The following CHN1 variants were observed in gnomAD, a reference collection of about 807,000 sequenced individuals.
CHN1 encodes the protein chimerin 1.
In CHN1, 37 loss-of-function variants were observed where a neutral mutation model predicts 59.5. That is an observed-to-expected ratio of 0.62 (90% CI 0.48 to 0.82). The LOEUF is 0.82. Among genes scored for constraint, CHN1 ranks in the 40% least tolerant of loss-of-function variants. CHN1 has a pLI of 0.00. For missense variants in CHN1, 469 were observed against 571.0 expected (o/e 0.82, Z 1.82); for synonymous variants, 206 against 200.4 (o/e 1.03, Z -0.24).
At chr2:174,875,694 G>T in intron 6 of CHN1, 1 of 431,598 alleles carries the variant, frequency 2.3e-6, no homozygotes, top group Non-Finnish European at 3.1e-6. Flanking sequence ...AGACAAGAGG[G>T]GTTTTAGCTA....
chr2:174,896,486 G>A (rs1688220773), intron 5 of CHN1, among the ~76,000 whole-genome samples: 3 of 152,142 alleles, frequency 2.0e-5, no homozygotes, highest in Admixed American at 2.0e-4. Context: ...CTGGGATAGA[G>A]AGGACAGTTT....
At chr2:174,930,598 G>A (rs1689315050) in intron 3 of CHN1, among the ~76,000 whole-genome samples, 1 of 152,138 alleles carries the variant, frequency 6.6e-6, no homozygotes, top group Admixed American at 6.5e-5. Context: ...CAACAAAGGA[G>A]TCTGCATAAG....
At chr2:174,907,907 A>G (rs1688586899) in intron 5 of CHN1, among the ~76,000 whole-genome samples, 1 of 152,190 alleles carries the variant, frequency 6.6e-6, no homozygotes, top group Non-Finnish European at 1.5e-5. Context: ...ATATTTTTAA[A>G]AGAAAATATA....
rs922113528 is a variant in CHN1, at chr2:174,919,764, C to CT, written c.115-1200dup. ...ATTAACACACACATTACTTCACATA[C>CT]TTTTTTTTTTTTGTGGTTAGAACAC... On this transcript the variant is annotated intron_variant, in intron 3 of 12. Transcript: ENST00000409900. Among the ~76,000 whole-genome samples the CT allele has an allele frequency of 2.8e-3, 411 of 144,606 alleles. 2 individuals carry two copies. Among genetic ancestry groups the CT allele is most frequent in the African/African-American group, 6.3e-3 (250 of 39,744 alleles). The allele number at this position is 144,606 out of a possible 152,430, so 94.9% of individuals were successfully genotyped here.
chr2:174,891,162 A>AAAAG (rs1688037747), intron 5 of CHN1, among the ~76,000 whole-genome samples: 4 of 149,826 alleles, frequency 2.7e-5, no homozygotes, highest in Non-Finnish European at 3.0e-5. Context: ...AAAAAAAAAA[A>AAAAG]AAAGAAAAAA....
At chr2:174,884,207 G>A (rs554587647) in intron 5 of CHN1, among the ~76,000 whole-genome samples, 148 of 151,964 alleles carry the variant, frequency 9.7e-4, no homozygotes, top group African/African-American at 3.2e-3. Context: ...TCCTGACCTC[G>A]TGATCCACCC....
intron 1 of CHN1, among the ~76,000 whole-genome samples, chr2:174,966,917 A>G (rs1690611308): frequency 6.6e-6 from 1 of 152,100 alleles, no homozygotes; most frequent in African/African-American, 2.4e-5. Flanking sequence ...TCCCATTTGG[A>G]TTTTGTTGGG....
chr2:174,986,587 A>G (rs914551131), intron 1 of CHN1, among the ~76,000 whole-genome samples: 2 of 151,546 alleles, frequency 1.3e-5, no homozygotes, highest in Non-Finnish European at 2.9e-5. Flanking sequence ...CTACTTATAA[A>G]CAGATTTTCT....
At chr2:174,813,477 T>C (rs987922450) in intron 8 of CHN1, among the ~76,000 whole-genome samples, 2 of 152,236 alleles carry the variant, frequency 1.3e-5, no homozygotes, top group African/African-American at 4.8e-5. Flanking sequence ...CTCATTTGCT[T>C]TGTAATTTTA....
chr2:174,985,620 C>T (rs1691313475), intron 1 of CHN1, among the ~76,000 whole-genome samples: 1 of 152,112 alleles, frequency 6.6e-6, no homozygotes, highest in Non-Finnish European at 1.5e-5. Context: ...TAAAGGCAAA[C>T]ATAGTGAATG....
chr2:174,846,285 A>C, intron 7 of CHN1: 1 of 1,536,330 alleles, frequency 6.5e-7, no homozygotes, highest in Non-Finnish European at 8.8e-7. Flanking sequence ...CCACATTAAC[A>C]CAATAATTAA....
rs761209439 is a variant in CHN1, at chr2:174,877,931, C to A, written c.458G>T (p.Arg153Ile). The change falls in exon 6 of 13, where the codon AGA becomes ATA. Residue 153 changes from arginine (R) to isoleucine (I), a missense_variant. Physicochemically the swap from Arg to Ile is moderately conservative, Grantham distance 97. Around this residue, in one of 5 missense-constraint regions of CHN1, gnomAD observed 8 missense variants for 25.4 expected, o/e 0.32. Transcript: ENST00000409900. ...YEHVGYTTLN[R>I]EPAYKKHMPV... Reference sequence around the variant, plus strand: ...CATATGTTTTTTGTATGCTGGCTCTCTGTTTAAGGTTGTGTATCCTACGTG... The same window carrying A: ...CATATGTTTTTTGTATGCTGGCTCTATGTTTAAGGTTGTGTATCCTACGTG... 1 of 1,613,804 alleles carries A rather than the reference C, an allele frequency of 6.2e-7. No individual in the cohort carries two copies. Among genetic ancestry groups the A allele is most frequent in the Non-Finnish European group, 8.5e-7 (1 of 1,179,788 alleles).
chr2:174,805,884 C>T (rs1684870447), intron 11 of CHN1, among the ~76,000 whole-genome samples: 1 of 152,132 alleles, frequency 6.6e-6, no homozygotes, highest in South Asian at 2.1e-4. Flanking sequence ...GGACCAAGAA[C>T]CCTGGGCTTT....
intron 6 of CHN1, among the ~76,000 whole-genome samples, chr2:174,848,617 G>A (rs1247274991): frequency 6.6e-6 from 1 of 152,080 alleles, no homozygotes; most frequent in Non-Finnish European, 1.5e-5. Flanking sequence ...ATCTACAGGA[G>A]GTATGTGCCC....
intron 3 of CHN1, among the ~76,000 whole-genome samples, chr2:174,940,411 T>C (rs1202324988): frequency 1.3e-5 from 2 of 152,176 alleles, no homozygotes; most frequent in Non-Finnish European, 2.9e-5. Flanking sequence ...CTCAAATTTA[T>C]CCAATTGTAC....
Position 174,968,725 on chromosome 2 carries a change from G to C in CHN1, c.20-16523C>G, listed in dbSNP as rs536524120. Among the ~76,000 whole-genome samples, 24 of 152,342 alleles carry C rather than the reference G, an allele frequency of 1.6e-4. No individual in the cohort carries two copies. In the South Asian group the frequency reaches 4.6e-3, roughly 29 times the overall value. The stretch of plus-strand genomic sequence containing the variant: ...CATGTAATGGACTGGTTGTCTTGAA[G>C]AAGTTCCAGCAGTGTAGGGATATGA... On this transcript the variant is annotated intron_variant, in intron 1 of 12. Coordinates refer to ENST00000409900, the MANE Select transcript of CHN1 (RefSeq NM_001822.7).
intron 1 of CHN1, among the ~76,000 whole-genome samples, chr2:174,993,384 G>A (rs1227267400): frequency 1.3e-5 from 2 of 152,026 alleles, no homozygotes; most frequent in African/African-American, 2.4e-5. Context: ...TTTAACAAGC[G>A]TTAGAATAAG....
At chr2:174,995,629 CA>C (rs541540044) in intron 1 of CHN1, among the ~76,000 whole-genome samples, 12 of 152,308 alleles carry the variant, frequency 7.9e-5, no homozygotes, top group South Asian at 2.1e-4. Context: ...GCTGATCTGA[CA>C]GGGGGTGGAG....
At chr2:174,951,452 T>C (rs943690208) in intron 2 of CHN1, among the ~76,000 whole-genome samples, 3 of 152,216 alleles carry the variant, frequency 2.0e-5, no homozygotes, top group Non-Finnish European at 2.9e-5. Flanking sequence ...TTTCTTAGGC[T>C]GCTTATTCAA....
Sources: allele counts gnomAD v4.1 joint callset (sites outside exome capture counted in the v4.1 genomes callset), GRCh38; gene constraint gnomAD v4.1.1; regional missense constraint gnomAD v4.1.1; transcripts MANE v1.5; gene names NCBI Gene and HGNC (gene_info 2026-07-23, HGNC 2026-07-21).